Variants in MYT1L observed in about 807,000 individuals in gnomAD.
MYT1L encodes myelin transcription factor 1 like.
Under a neutral mutation model 126.7 loss-of-function variants are expected in MYT1L, and 12 were observed. The observed-to-expected ratio is 0.09, with a 90% CI of 0.06 to 0.15. The LOEUF (loss-of-function observed/expected upper bound fraction) is 0.15, where lower values mean the gene tolerates loss of function less well. Ranked by LOEUF, MYT1L falls within the 10% of genes least tolerant of loss-of-function variation. The pLI is 1.00. For synonymous variants in MYT1L, 541 were observed against 604.2 expected (o/e 0.90, Z 1.53); for missense variants, 979 against 1,585.2 (o/e 0.62, Z 6.49).
At chr2:2,018,554 G>A (rs2064680301) in intron 4 of MYT1L, among the ~76,000 whole-genome samples, 1 of 152,228 alleles carries the variant, frequency 6.6e-6, no homozygotes, top group Non-Finnish European at 1.5e-5. Flanking sequence ...GTCAGATTGA[G>A]GCCCGGCCAG....
intron 9 of MYT1L, among the ~76,000 whole-genome samples, chr2:1,934,766 A>ACG (rs1343967960): frequency 6.6e-6 from 1 of 151,160 alleles, no homozygotes; most frequent in Non-Finnish European, 1.5e-5. Context: ...ACACACACAC[A>ACG]CACAGGCACA....
intron 1 of MYT1L, among the ~76,000 whole-genome samples, chr2:2,322,366 G>T (rs547620834): frequency 3.3e-5 from 5 of 152,162 alleles, no homozygotes; most frequent in South Asian, 2.1e-4. Flanking sequence ...GCCATGAAAG[G>T]CTGCTTTTCT....
chr2:2,273,532 G>A (rs1044694594), intron 2 of MYT1L, among the ~76,000 whole-genome samples: 10 of 152,136 alleles, frequency 6.6e-5, no homozygotes, highest in African/African-American at 2.2e-4. Context: ...TGGCCTGGTC[G>A]CCCAGCCAAA....
intron 3 of MYT1L, among the ~76,000 whole-genome samples, chr2:2,137,936 C>G (rs1397217242): frequency 6.6e-6 from 1 of 152,116 alleles, no homozygotes; most frequent in African/African-American, 2.4e-5. Flanking sequence ...TTGCAACCTA[C>G]TCATCTGACA....
At chr2:2,033,737 C>A (rs1466339295) in intron 4 of MYT1L, among the ~76,000 whole-genome samples, 1 of 152,162 alleles carries the variant, frequency 6.6e-6, no homozygotes, top group African/African-American at 2.4e-5. Context: ...GATTGGCAAT[C>A]CCCAGCTGTT....
At chr2:2,151,433 A>G (rs2085766059) in intron 3 of MYT1L, among the ~76,000 whole-genome samples, 1 of 152,130 alleles carries the variant, frequency 6.6e-6, no homozygotes, top group Admixed American at 6.5e-5. Flanking sequence ...ACTACTGAGT[A>G]CTGACCATGT....
chr2:2,248,698 G>T (rs2094579981), intron 2 of MYT1L, among the ~76,000 whole-genome samples: 1 of 152,016 alleles, frequency 6.6e-6, no homozygotes, highest in Admixed American at 6.6e-5. Flanking sequence ...TTTATCCCAG[G>T]ATTGCAAGGA....
intron 18 of MYT1L, among the ~76,000 whole-genome samples, chr2:1,862,437 A>G (rs1008471082): frequency 2.3e-4 from 35 of 152,182 alleles, no homozygotes; most frequent in Admixed American, 2.1e-3. Context: ...CTTGTTATCA[A>G]TAATGCCCAC....
intron 3 of MYT1L, among the ~76,000 whole-genome samples, chr2:2,101,500 T>C (rs149654151): frequency 1.3e-5 from 2 of 152,120 alleles, no homozygotes; most frequent in Non-Finnish European, 1.5e-5. Context: ...ATTAAATGGA[T>C]GGATGCATAC....
At chr2:2,136,977 A>C (rs928746121) in intron 3 of MYT1L, among the ~76,000 whole-genome samples, 7 of 151,554 alleles carry the variant, frequency 4.6e-5, no homozygotes, top group Non-Finnish European at 1.0e-4. Flanking sequence ...AGCTGATAAG[A>C]AACTTCAGCA....
chr2:2,046,842 CT>C (rs1482114360), intron 4 of MYT1L, among the ~76,000 whole-genome samples: 2 of 152,194 alleles, frequency 1.3e-5, no homozygotes, highest in African/African-American at 4.8e-5. Context: ...ATAACCCATA[CT>C]TTTCAATACT....
At position 2,004,194 on chromosome 2, in the gene MYT1L, C is replaced by T. The variant is rs150707018; in HGVS notation, c.-157-6847G>A. ...TCCTGCGTGCCTCCTTTCCTGCAGG[C>T]GTTCTTTCCTGAATGTGTTCTTTCC... On this transcript the variant is annotated intron_variant, in intron 4 of 24. Coordinates refer to ENST00000647738, the MANE Select transcript of MYT1L (RefSeq NM_001303052.2). Among the ~76,000 whole-genome samples, 35 of 142,160 alleles carry T rather than the reference C, an allele frequency of 2.5e-4. 1 individual carries two copies. The highest frequency in any genetic ancestry group is 5.8e-4 in the Admixed American group (8 of 13,850). 93.3% of individuals were successfully genotyped at this position (142,160 alleles called of 152,430 possible). A position where few individuals can be genotyped will look rare whatever the true frequency, so the allele number is the denominator to read the frequency against.
At chr2:2,288,420 T>C (rs955948226) in intron 1 of MYT1L, among the ~76,000 whole-genome samples, 1 of 152,208 alleles carries the variant, frequency 6.6e-6, no homozygotes, top group Non-Finnish European at 1.5e-5. Flanking sequence ...CTGAGCAAAG[T>C]GTTTCTCATT....
At chr2:1,907,823 A>G (rs144384340) in intron 13 of MYT1L, among the ~76,000 whole-genome samples, 1 of 152,394 alleles carries the variant, frequency 6.6e-6, no homozygotes, top group East Asian at 1.9e-4. Flanking sequence ...TGGGGAATAC[A>G]GACATGCTGG....
Position 2,292,223 on chromosome 2 carries a change from G to A in MYT1L, c.-520-7720C>T, listed in dbSNP as rs565275882. Among the ~76,000 whole-genome samples, 16 of 152,330 alleles carry A rather than the reference G, an allele frequency of 1.1e-4. No homozygotes were observed. The South Asian group carries it at 1.9e-3, about 18-fold the overall frequency. On this transcript the variant is annotated intron_variant, in intron 1 of 24. Coordinates refer to ENST00000647738, the MANE Select transcript of MYT1L (RefSeq NM_001303052.2). ...GCAGGGGCCTGCAGCTCTGGGGTCC[G>A]TGGCTCAGGAAAGACTGAAGGCTGC...
chr2:2,194,599 G>T (rs1559299161), intron 2 of MYT1L, among the ~76,000 whole-genome samples: 1 of 152,142 alleles, frequency 6.6e-6, no homozygotes, highest in Admixed American at 6.5e-5. Context: ...GACTTGTCCT[G>T]CTCCTTTTTT....
chr2:2,165,085 C>T (rs185068700), intron 3 of MYT1L, among the ~76,000 whole-genome samples: 80 of 152,300 alleles, frequency 5.3e-4, no homozygotes, highest in Admixed American at 4.2e-3. Flanking sequence ...CCTGCGCCAG[C>T]TCTCCAGGGG....
intron 3 of MYT1L, among the ~76,000 whole-genome samples, chr2:2,163,812 T>A (rs2088499837): frequency 6.6e-6 from 1 of 151,952 alleles, no homozygotes. Context: ...TCATAAGATC[T>A]GAATGGATTC....
rs779013985 is a variant in MYT1L at position 1,943,220 on chromosome 2, C to T, written c.267G>A (p.Glu89=). 9.7e-6 allele frequency: 15 copies of T among 1,552,662 alleles called. No individual in the cohort carries two copies. The East Asian group carries it at 3.7e-4, about 38-fold the overall frequency. Residue 89 remains glutamate (E), a synonymous_variant, in exon 9 of 25, where the codon GAG becomes GAA. Coordinates refer to ENST00000647738, the MANE Select transcript of MYT1L (RefSeq NM_001303052.2). This position sits in a 1 kb window ranked among gnomAD's most constrained non-coding sequence, Gnocchi z 4.4. ...AVKADSSSVD[E]CDDSDGTEDM... ...CCTCAGTCCCATCACTGTCGTCACACTCATCCACTGAGGAGCTGTCTGCTT... is the reference window on the plus strand; with the variant it reads ...CCTCAGTCCCATCACTGTCGTCACATTCATCCACTGAGGAGCTGTCTGCTT...
Sources: gnomAD v4.1 joint callset for allele counts (sites outside exome capture counted in the v4.1 genomes callset) on GRCh38, gnomAD v4.1.1 for gene constraint, Gnocchi (gnomAD v3.1) non-coding constraint, MANE v1.5 for transcripts, NCBI Gene and HGNC (gene_info 2026-07-23, HGNC 2026-07-21) for gene names.